PLCL1: variants seen among roughly 807,000 people sequenced by gnomAD.
PLCL1 encodes the protein inactive phospholipase C-like protein 1.
In PLCL1, 41 loss-of-function variants were observed where a neutral mutation model predicts 84.4. The ratio of observed to expected loss-of-function variants is 0.49; its 90% confidence interval spans 0.38 to 0.63. PLCL1 has a LOEUF of 0.63. Among genes scored for constraint, PLCL1 ranks in the 30% least tolerant of loss-of-function variants. The pLI, the probability that PLCL1 is intolerant of heterozygous loss-of-function variation, is 0.00. For missense variants in PLCL1, 1,206 were observed against 1,367.8 expected, an observed-to-expected ratio of 0.88 and a Z score of 1.87; for synonymous variants, 490 against 488.3, an observed-to-expected ratio of 1.00 and a Z score of -0.05.
At chr2:197,895,751 T>C (rs1688122231) in intron 1 of PLCL1, among the ~76,000 whole-genome samples, 2 of 152,002 alleles carry the variant, frequency 1.3e-5, no homozygotes, top group South Asian at 4.1e-4. Flanking sequence ...CGCAATTTAG[T>C]GTTGTAGAAT....
intron 1 of PLCL1, among the ~76,000 whole-genome samples, chr2:197,953,586 C>T (rs968309407): frequency 5.3e-5 from 8 of 151,962 alleles, no homozygotes; most frequent in African/African-American, 1.4e-4. Flanking sequence ...TGATTGAGAA[C>T]CTGTGATTCT....
At chr2:198,030,005 T>C (rs993872800) in intron 1 of PLCL1, among the ~76,000 whole-genome samples, 1 of 152,034 alleles carries the variant, frequency 6.6e-6, no homozygotes, top group Non-Finnish European at 1.5e-5. Flanking sequence ...AGGCCTTTCT[T>C]TCTTTTTTTA....
At chr2:197,899,877 C>T (rs1408544441) in intron 1 of PLCL1, among the ~76,000 whole-genome samples, 3 of 151,908 alleles carry the variant, frequency 2.0e-5, no homozygotes, top group Non-Finnish European at 4.4e-5. Context: ...CCTCGTGATC[C>T]GCCCGCCTCG....
chr2:198,057,737 C>T (rs1296893933), intron 1 of PLCL1, among the ~76,000 whole-genome samples: 3 of 152,158 alleles, frequency 2.0e-5, no homozygotes, highest in Non-Finnish European at 4.4e-5. Context: ...AAGTGCTTTA[C>T]AAGGAATTTC....
At chr2:197,831,158 C>T (rs1691050392) in intron 1 of PLCL1, among the ~76,000 whole-genome samples, 1 of 152,124 alleles carries the variant, frequency 6.6e-6, no homozygotes, top group Non-Finnish European at 1.5e-5. Flanking sequence ...ATCAATTTCA[C>T]ACAAAACAAT....
chr2:197,848,275 C>T (rs1687158656), intron 1 of PLCL1, among the ~76,000 whole-genome samples: 2 of 152,116 alleles, frequency 1.3e-5, no homozygotes, highest in Admixed American at 6.5e-5. Context: ...CGAATTCTGA[C>T]ACGAACATGC....
chr2:198,062,863 T>C (rs1482314114), intron 1 of PLCL1, among the ~76,000 whole-genome samples: 2 of 152,158 alleles, frequency 1.3e-5, no homozygotes, highest in Non-Finnish European at 2.9e-5. Flanking sequence ...TTGGGACCAA[T>C]GATGTAATGC....
chr2:197,912,053 T>C (rs1396617795), intron 1 of PLCL1, among the ~76,000 whole-genome samples: 4 of 152,230 alleles, frequency 2.6e-5, no homozygotes, highest in Admixed American at 1.3e-4. Flanking sequence ...ATTGGACACT[T>C]CCACAGGGAA....
At chr2:198,076,840 G>GGGAA (rs1416449726) in intron 1 of PLCL1, among the ~76,000 whole-genome samples, 20 of 152,194 alleles carry the variant, frequency 1.3e-4, no homozygotes, top group Admixed American at 2.0e-4. Context: ...CAGATACAGT[G>GGGAA]ATGATCCCAT....
chr2:198,012,693 A>T, intron 1 of PLCL1, among the ~76,000 whole-genome samples: 1 of 148,576 alleles, frequency 6.7e-6, no homozygotes, highest in East Asian at 2.0e-4. Context: ...TTCTCCTCTC[A>T]TTTTCCTTTG....
At position 198,027,791 on chromosome 2, in the gene PLCL1, G is replaced by A. The variant is rs546121270; in HGVS notation, c.241-55967G>A. On this transcript the variant is annotated intron_variant, in intron 1 of 5. Coordinates refer to ENST00000428675, the MANE Select transcript of PLCL1 (RefSeq NM_006226.4). The stretch of plus-strand genomic sequence containing the variant: ...AAAGTGTAAACATTAGGGAAAGCTG[G>A]GGAAAGGGTAATTTGGAACTTTGAA... Among the ~76,000 whole-genome samples the A allele has an allele frequency of 5.3e-5, 8 of 152,100 alleles. No homozygotes were observed. The South Asian group carries it at 1.7e-3, about 32-fold the overall frequency.
At chr2:198,133,609 A>G (rs1454103346) in intron 5 of PLCL1, among the ~76,000 whole-genome samples, 1 of 152,116 alleles carries the variant, frequency 6.6e-6, no homozygotes, top group Non-Finnish European at 1.5e-5. Context: ...TGACATTTAG[A>G]AGAAATGTTT....
rs953574230 is a variant in PLCL1, at chr2:197,835,319, G to A, written c.240+29980G>A. Among the ~76,000 whole-genome samples the A allele has an allele frequency of 1.1e-4, 17 of 152,104 alleles. 1 individual carries two copies. Among genetic ancestry groups the A allele is most frequent in the Admixed American group, 9.2e-4 (14 of 15,264 alleles). ...TAAAAAAACCATAGTGTTAAAATGT[G>A]CATAACAGAAATTTTTACCATTTTA... On this transcript the variant is annotated intron_variant, in intron 1 of 5. Transcript: ENST00000428675.
In PLCL1 at chr2:198,019,755, C is replaced by T. The variant is rs188087216; in HGVS notation, c.241-64003C>T. The stretch of plus-strand genomic sequence containing the variant: ...GGACTATGTGAAAAGACCAAACCTA[C>T]ATTTGATTGGTGTATCTGAAAGTGA... On this transcript the variant is annotated intron_variant, in intron 1 of 5. Coordinates refer to ENST00000428675, the MANE Select transcript of PLCL1 (RefSeq NM_006226.4). Among the ~76,000 whole-genome samples, 95 of 152,304 alleles carry T rather than the reference C, an allele frequency of 6.2e-4. No individual in the cohort carries two copies. The Middle Eastern group carries it at 0.01, about 16-fold the overall frequency.
chr2:198,141,156 G>A (rs1694376520), intron 5 of PLCL1, among the ~76,000 whole-genome samples: 1 of 152,148 alleles, frequency 6.6e-6, no homozygotes, highest in African/African-American at 2.4e-5. Flanking sequence ...CATATTTCTT[G>A]AGTGTTCATG....
intron 1 of PLCL1, among the ~76,000 whole-genome samples, chr2:197,991,215 T>TG (rs541284735): frequency 7.2e-4 from 110 of 152,286 alleles, no homozygotes; most frequent in Non-Finnish European, 1.4e-3. Flanking sequence ...TTGCTTGAGT[T>TG]GGGACCTCTC....
chr2:198,014,790 C>A (rs1439485029), intron 1 of PLCL1, among the ~76,000 whole-genome samples: 1 of 152,052 alleles, frequency 6.6e-6, no homozygotes, highest in Non-Finnish European at 1.5e-5. Flanking sequence ...ACTAGCTACA[C>A]CCTGTGGCAG....
At chr2:198,112,971 CAT>C (rs1359534269) in intron 5 of PLCL1, among the ~76,000 whole-genome samples, 6 of 151,960 alleles carry the variant, frequency 3.9e-5, no homozygotes, top group African/African-American at 1.2e-4. Flanking sequence ...GCTTGAATCT[CAT>C]ATGTCAGTAC....
At chr2:198,047,031 A>G (rs981468692) in intron 1 of PLCL1, among the ~76,000 whole-genome samples, 1 of 152,188 alleles carries the variant, frequency 6.6e-6, no homozygotes, top group Non-Finnish European at 1.5e-5. Flanking sequence ...ACTTAGTGCC[A>G]TATAGTTATA....
Sources: gnomAD v4.1 joint callset for allele counts (sites outside exome capture counted in the v4.1 genomes callset) on GRCh38, gnomAD v4.1.1 for gene constraint, MANE v1.5 for transcripts, NCBI Gene and HGNC (gene_info 2026-07-23, HGNC 2026-07-21) for gene names.